Variants in DNAJB4 observed in about 807,000 individuals in gnomAD.
DNAJB4 encodes DnaJ heat shock protein family (Hsp40) member B4.
Under a neutral mutation model 26.6 loss-of-function variants are expected in DNAJB4, and 10 were observed. The observed-to-expected ratio is 0.38, with a 90% CI of 0.23 to 0.64. The LOEUF is 0.64. Among genes scored for constraint, DNAJB4 ranks in the 30% least tolerant of loss-of-function variants. The probability of loss-of-function intolerance (pLI) is 0.58; values close to 1 mark genes in which losing one functional copy is unlikely to be tolerated. For missense variants in DNAJB4, 328 were observed against 408.2 expected, an observed-to-expected ratio of 0.80 and a Z score of 1.69; for synonymous variants, 136 against 134.8, an observed-to-expected ratio of 1.01 and a Z score of -0.06.
At chr1:77,980,745 C>CA (rs947717977) in intron 1 of DNAJB4, among the ~76,000 whole-genome samples, 3 of 152,034 alleles carry the variant, frequency 2.0e-5, no homozygotes, top group Non-Finnish European at 4.4e-5. Flanking sequence ...GCTTAAGCAC[C>CA]AAAATAGCAG....
chr1:77,991,886 C>T (rs1659939440), intron 1 of DNAJB4, among the ~76,000 whole-genome samples: 1 of 152,036 alleles, frequency 6.6e-6, no homozygotes, highest in Non-Finnish European at 1.5e-5. Context: ...GCTATGAGTT[C>T]AATGTCAGTG....
At chr1:78,013,754 A>T in intron 2 of DNAJB4, 135 bp downstream of exon 2, 1 of 694,154 alleles carries the variant, frequency 1.4e-6, no homozygotes. Context: ...ATCCTCTAAG[A>T]TAGTACTAGT....
At chr1:78,014,462 T>A (rs541589807) in intron 2 of DNAJB4, among the ~76,000 whole-genome samples, 7 of 152,228 alleles carry the variant, frequency 4.6e-5, no homozygotes, top group Middle Eastern at 3.4e-3. Flanking sequence ...GTCATAGCAG[T>A]TCCCTGCTTC....
upstream of DNAJB4, chr1:78,004,431 T>C (rs982595458): frequency 2.6e-5 from 4 of 152,218 alleles, no homozygotes; most frequent in Admixed American, 1.3e-4. Context: ...TTTCTGGCGT[T>C]TCTGATTGAT....
chr1:77,979,180 G>A (rs1659365667), upstream of DNAJB4: 1 of 642,608 alleles, frequency 1.6e-6, no homozygotes, highest in Non-Finnish European at 2.7e-6. Flanking sequence ...GCAACGCGCT[G>A]GTGTGGGTTA....
At chr1:77,989,082 C>T (rs1436169717) in intron 1 of DNAJB4, among the ~76,000 whole-genome samples, 1 of 151,928 alleles carries the variant, frequency 6.6e-6, no homozygotes, top group Non-Finnish European at 1.5e-5. Flanking sequence ...GTGGATGTCC[C>T]CCCACTCCTC....
intron 1 of DNAJB4, among the ~76,000 whole-genome samples, chr1:77,985,351 T>C (rs1483378398): frequency 6.6e-6 from 1 of 152,140 alleles, no homozygotes; most frequent in Non-Finnish European, 1.5e-5. Context: ...TCTGATTCCA[T>C]TTGTTCCTTT....
intron 1 of DNAJB4, among the ~76,000 whole-genome samples, chr1:77,997,968 CG>C (rs753819665): frequency 9.2e-5 from 14 of 151,868 alleles, no homozygotes; most frequent in Non-Finnish European, 2.1e-4. Flanking sequence ...TGTATTTTCA[CG>C]GGGTTTTACC....
chr1:77,998,221 A>G (rs1028236726), intron 1 of DNAJB4, among the ~76,000 whole-genome samples: 1 of 152,240 alleles, frequency 6.6e-6, no homozygotes. Flanking sequence ...GTGACACAAA[A>G]TAAACACTCC....
At chr1:77,984,406 G>A (rs537695887) in intron 1 of DNAJB4, among the ~76,000 whole-genome samples, 2 of 152,284 alleles carry the variant, frequency 1.3e-5, no homozygotes, top group African/African-American at 2.4e-5. Context: ...TTAGCCGTAC[G>A]TGGACCTACT....
intron 1 of DNAJB4, among the ~76,000 whole-genome samples, chr1:78,012,782 C>A (rs967919353): frequency 1.3e-5 from 2 of 150,946 alleles, no homozygotes; most frequent in African/African-American, 4.9e-5. Flanking sequence ...GCACTCCAGC[C>A]TGGGCAAACA....
At position 78,013,052 on chromosome 1, in the gene DNAJB4, G is replaced by T; in HGVS notation, c.213G>T (p.Gly71=). ...AATCATGCTTATCTCTTCAATTAGG[G>T]TTGAAAGGAGGAGCAGGAGGTACTG... ...REIYDQFGEE[G]LKGGAGGTDG... The change falls in exon 2 of 3, where the codon GGG becomes GGT. Residue 71 remains glycine, a splice_region_variant and synonymous_variant. Coordinates refer to ENST00000370763, the MANE Select transcript of DNAJB4 (RefSeq NM_007034.5). 1.3e-6 allele frequency: 2 copies of T among 1,592,422 alleles called. No individual in the cohort carries two copies. Among genetic ancestry groups the T allele is most frequent in the African/African-American group, 1.4e-5 (1 of 74,000 alleles).
chr1:77,999,391 GTAT>G (rs1034419024), intron 1 of DNAJB4, among the ~76,000 whole-genome samples: 9 of 151,224 alleles, frequency 6.0e-5, no homozygotes, highest in Non-Finnish European at 1.2e-4. Context: ...AAACTGTAAA[GTAT>G]TATATAAATG....
chr1:78,007,047 T>C (rs1320720251), intron 1 of DNAJB4, among the ~76,000 whole-genome samples: 3 of 152,220 alleles, frequency 2.0e-5, no homozygotes, highest in African/African-American at 7.2e-5. Context: ...TGATTTAACA[T>C]TATCTCTTAA....
At chr1:77,984,220 G>A (rs1659738942) in intron 1 of DNAJB4, among the ~76,000 whole-genome samples, 2 of 152,170 alleles carry the variant, frequency 1.3e-5, no homozygotes, top group Admixed American at 1.3e-4. Flanking sequence ...TTCATCCTGT[G>A]AAAATCCTCC....
intron 1 of DNAJB4, among the ~76,000 whole-genome samples, chr1:77,984,535 T>C (rs1571421143): frequency 6.6e-6 from 1 of 152,182 alleles, no homozygotes; most frequent in Admixed American, 6.5e-5. Context: ...ACAAAACATA[T>C]TTAATATTTG....
At chr1:78,009,434 T>G (rs1277292430) in intron 1 of DNAJB4, among the ~76,000 whole-genome samples, 1 of 152,224 alleles carries the variant, frequency 6.6e-6, no homozygotes, top group African/African-American at 2.4e-5. Context: ...ACTGGTTAGT[T>G]GTAAAATAAT....
At chr1:78,002,650 G>T (rs1660218604), upstream of DNAJB4, among the ~76,000 whole-genome samples, 1 of 152,240 alleles carries the variant, frequency 6.6e-6, no homozygotes, top group East Asian at 1.9e-4. Context: ...AAAGCTATAA[G>T]TGTGCAAGTA....
chr1:77,983,223 A>G (rs1289026132), intron 1 of DNAJB4, among the ~76,000 whole-genome samples: 1 of 152,242 alleles, frequency 6.6e-6, no homozygotes, highest in Non-Finnish European at 1.5e-5. Context: ...TTTACAAAGC[A>G]GTATTGCTGC....
Sources: allele counts gnomAD v4.1 joint callset (sites outside exome capture counted in the v4.1 genomes callset), GRCh38; gene constraint gnomAD v4.1.1; transcripts MANE v1.5; gene names NCBI Gene and HGNC (gene_info 2026-07-23, HGNC 2026-07-21).